The following PLB1 variants were observed in gnomAD, a reference collection of about 807,000 sequenced individuals.
The protein encoded by PLB1 is phospholipase B1, membrane-associated.
Under a neutral mutation model 227.4 loss-of-function variants are expected in PLB1, and 242 were observed. That is an observed-to-expected ratio of 1.06 (90% CI 0.96 to 1.18). PLB1 has a LOEUF of 1.18. Ranked by LOEUF, PLB1 falls within the 50% of genes most tolerant of loss-of-function variation. The probability of loss-of-function intolerance (pLI) is 0.00; values close to 1 mark genes in which losing one functional copy is unlikely to be tolerated. For synonymous variants in PLB1, 757 were observed against 682.2 expected (o/e 1.11, Z -1.71); for missense variants, 1,858 against 1,816.3 (o/e 1.02, Z -0.42).
At chr2:28,633,295 C>T (rs1261087043) in intron 56 of PLB1, 16 of 458,304 alleles carry the variant, frequency 3.5e-5, no homozygotes, top group Admixed American at 3.2e-4. Flanking sequence ...CCAGGTACTG[C>T]GAGGGGATCC....
chr2:28,503,827 C>G (rs189403444), intron 1 of PLB1, among the ~76,000 whole-genome samples: 1 of 152,244 alleles, frequency 6.6e-6, no homozygotes, highest in Admixed American at 6.5e-5. Flanking sequence ...TTCTATGAGT[C>G]AATGCAAGTT....
chr2:28,613,896 T>C (rs1685823737), intron 43 of PLB1, 135 bp from the exon 44 acceptor site: 3 of 752,944 alleles, frequency 4.0e-6, no homozygotes, highest in Non-Finnish European at 6.7e-6. Context: ...AAATTATGTT[T>C]ATACAGTTCT....
intron 17 of PLB1, among the ~76,000 whole-genome samples, chr2:28,560,115 T>C (rs1245377216): frequency 2.0e-5 from 3 of 152,156 alleles, no homozygotes; most frequent in Admixed American, 6.5e-5. Flanking sequence ...CAGTTTATCC[T>C]TCTTAAGCAC....
intron 17 of PLB1, among the ~76,000 whole-genome samples, chr2:28,560,651 A>T (rs970326670): frequency 6.6e-6 from 1 of 152,230 alleles, no homozygotes; most frequent in Non-Finnish European, 1.5e-5. Context: ...AAAAATAAAA[A>T]TAAAACGAAT....
intron 23 of PLB1, 64 bp from the exon 24 acceptor site, chr2:28,582,004 A>G: frequency 6.9e-7 from 1 of 1,458,776 alleles, no homozygotes; most frequent in Non-Finnish European, 9.5e-7. Flanking sequence ...GAGAGAAAGT[A>G]GCCCTGTTCT....
chr2:28,540,218 A>G (rs1430430959), intron 11 of PLB1, 148 bp from the exon 12 acceptor site: 4 of 651,404 alleles, frequency 6.1e-6, no homozygotes, highest in Non-Finnish European at 1.1e-5. Flanking sequence ...TCTTCTCAAC[A>G]TTTATGTCCT....
chr2:28,628,952 T>C (rs556676847), intron 52 of PLB1, 142 bp from the exon 53 acceptor site: 6 of 670,230 alleles, frequency 9.0e-6, no homozygotes, highest in Non-Finnish European at 1.5e-5. Flanking sequence ...TTCAGTGAGA[T>C]ACTACAAGTT....
chr2:28,641,492 C>T (rs967784634), intron 57 of PLB1, among the ~76,000 whole-genome samples: 6 of 152,180 alleles, frequency 3.9e-5, no homozygotes, highest in African/African-American at 1.4e-4. Context: ...CCTGTCATCC[C>T]AGCTACTCAG....
intron 6 of PLB1, 143 bp downstream of exon 6, chr2:28,526,088 C>G (rs750549754): frequency 6.1e-5 from 56 of 924,318 alleles, no homozygotes; most frequent in Non-Finnish European, 8.3e-5. Flanking sequence ...TCTGAGAGGA[C>G]AGATCAGGAA....
intron 13 of PLB1, among the ~76,000 whole-genome samples, chr2:28,542,192 G>C (rs561132001): frequency 6.6e-6 from 1 of 151,122 alleles, no homozygotes; most frequent in East Asian, 1.9e-4. Context: ...CCATACATCT[G>C]TTCCTGCCCC....
chr2:28,592,948 T>C (rs1485949167), intron 32 of PLB1, among the ~76,000 whole-genome samples: 1 of 152,156 alleles, frequency 6.6e-6, no homozygotes, highest in African/African-American at 2.4e-5. Context: ...CGGGCAGAGA[T>C]TTTGAACACC....
In PLB1 at chr2:28,529,425, C is replaced by G. The variant is rs1242221686; in HGVS notation, c.416+18C>G. The G allele has an allele frequency of 1.3e-6, 2 of 1,560,766 alleles. No individual in the cohort carries two copies. Among genetic ancestry groups the G allele is most frequent in the African/African-American group, 2.7e-5 (2 of 73,726 alleles). On this transcript the variant is annotated intron_variant, in intron 7 of 57. Transcript: ENST00000327757. The stretch of plus-strand genomic sequence containing the variant: ...GGTGCTGAGTAAGTTCCCTTTCTGT[C>G]TCTCTCTGAGGTTATGTGTTCCTAC...
chr2:28,642,115 T>A (rs972667367), intron 57 of PLB1, among the ~76,000 whole-genome samples: 4 of 152,198 alleles, frequency 2.6e-5, no homozygotes, highest in Admixed American at 2.6e-4. Flanking sequence ...GGTTTCACCG[T>A]CTCTTACCTA....
At chr2:28,630,470 G>T in intron 53 of PLB1, 116 bp from the exon 54 acceptor site, 1 of 785,328 alleles carries the variant, frequency 1.3e-6, no homozygotes, top group Non-Finnish European at 2.0e-6. Context: ...AGGTAAGGCA[G>T]CACAGGCTGC....
Position 28,605,940 on chromosome 2 carries a change from A to G in PLB1, c.3049A>G (p.Thr1017Ala), listed in dbSNP as rs746791428. 6.2e-7 allele frequency: 1 copy of G among 1,607,606 alleles called. No individual in the cohort carries two copies. The highest frequency in any genetic ancestry group is 8.5e-7 in the Non-Finnish European group (1 of 1,174,172). ...FHSQLARALWTNMLEPLGSKT... is the reference protein window; with the variant it reads ...FHSQLARALWANMLEPLGSKT... ...CTCCCAGCTGGCCAGAGCCCTTTGGACCAATATGGTAAAATAAGTGGGGTG... is the reference window on the plus strand; with the variant it reads ...CTCCCAGCTGGCCAGAGCCCTTTGGGCCAATATGGTAAAATAAGTGGGGTG... Residue 1017 changes from threonine to alanine, a missense_variant, in exon 42 of 58, where the codon ACC becomes GCC. By Grantham distance (58) the Thr-to-Ala change is moderately conservative. Transcript: ENST00000327757.
At chr2:28,574,707 T>C (rs1160046951) in intron 21 of PLB1, among the ~76,000 whole-genome samples, 1 of 152,040 alleles carries the variant, frequency 6.6e-6, no homozygotes, top group Non-Finnish European at 1.5e-5. Flanking sequence ...CATTATATCA[T>C]TCTTATGCCT....
intron 1 of PLB1, among the ~76,000 whole-genome samples, chr2:28,508,418 T>G (rs1667871724): frequency 6.6e-6 from 1 of 152,216 alleles, no homozygotes; most frequent in African/African-American, 2.4e-5. Flanking sequence ...GACAGGACGC[T>G]GTGCTAACAT....
chr2:28,598,200 A>G lies in PLB1; in HGVS notation c.2365+152A>G, dbSNP rs553983897. 2.0e-4 allele frequency: 132 copies of G among 661,724 alleles called. No individual in the cohort carries two copies. In the South Asian group the frequency reaches 2.6e-3, roughly 13 times the overall value. The allele number at this position is 661,724 out of a possible 1,614,324, so 41.0% of individuals were successfully genotyped here. ...ACAGGAGGCTATGAAAAAGCAGCCGAGGCAGGTAAAATAAACACCAGATTT... is the reference window on the plus strand; with the variant it reads ...ACAGGAGGCTATGAAAAAGCAGCCGGGGCAGGTAAAATAAACACCAGATTT... On this transcript the variant is annotated intron_variant, in intron 34 of 57. Transcript: ENST00000327757.
At chr2:28,531,604 C>A (rs1026417711) in intron 8 of PLB1, among the ~76,000 whole-genome samples, 1 of 152,230 alleles carries the variant, frequency 6.6e-6, no homozygotes, top group Admixed American at 6.5e-5. Context: ...AACCACTGCA[C>A]CCAGCCAGAG....
Sources: allele counts gnomAD v4.1 joint callset (sites outside exome capture counted in the v4.1 genomes callset), GRCh38; gene constraint gnomAD v4.1.1; transcripts MANE v1.5; gene names NCBI Gene and HGNC (gene_info 2026-07-23, HGNC 2026-07-21).